The following HS3ST4 variants were observed in gnomAD, a reference collection of about 807,000 sequenced individuals.
HS3ST4 encodes the protein heparan sulfate glucosamine 3-O-sulfotransferase 4.
A neutral mutation model predicts 29.2 loss-of-function variants in HS3ST4; 17 were observed. The observed-to-expected ratio is 0.58, with a 90% CI of 0.40 to 0.87. HS3ST4 has a LOEUF of 0.87. HS3ST4 is among the 40% of genes least tolerant of loss of function. The pLI is 0.00. For missense variants in HS3ST4, 627 were observed against 634.5 expected, an observed-to-expected ratio of 0.99 and a Z score of 0.13; for synonymous variants, 314 against 285.7, an observed-to-expected ratio of 1.10 and a Z score of -1.00.
At chr16:25,826,667 C>G (rs937944793) in intron 1 of HS3ST4, among the ~76,000 whole-genome samples, 2 of 152,018 alleles carry the variant, frequency 1.3e-5, no homozygotes, top group African/African-American at 4.8e-5. Flanking sequence ...GGAAGATAGT[C>G]TAGGAACCAG....
chr16:25,751,474 G>T (rs62034454), intron 1 of HS3ST4, among the ~76,000 whole-genome samples: 34,752 of 152,140 alleles, frequency 0.23, 4,566 homozygotes, highest in East Asian at 0.58. Context: ...ATTAAGCTCC[G>T]TGAGTGCTGG....
At chr16:25,937,373 C>A (rs1225673321) in intron 1 of HS3ST4, among the ~76,000 whole-genome samples, 1 of 152,154 alleles carries the variant, frequency 6.6e-6, no homozygotes, top group Non-Finnish European at 1.5e-5. Flanking sequence ...TTTTTACAAA[C>A]CTGTTGATTC....
intron 1 of HS3ST4, among the ~76,000 whole-genome samples, chr16:25,848,136 A>T (rs1967483776): frequency 6.6e-6 from 1 of 151,866 alleles, no homozygotes; most frequent in African/African-American, 2.4e-5. Flanking sequence ...GGTATTTGCT[A>T]ACTTTTTTTT....
chr16:26,062,569 G>A (rs944492304), intron 1 of HS3ST4, among the ~76,000 whole-genome samples: 8 of 151,422 alleles, frequency 5.3e-5, no homozygotes, highest in South Asian at 2.1e-4. Context: ...CCTCTATTTC[G>A]GAATCATCTT....
At chr16:25,824,980 T>A (rs1367056266) in intron 1 of HS3ST4, 2 of 152,144 alleles carry the variant, frequency 1.3e-5, no homozygotes, top group Non-Finnish European at 2.9e-5. Context: ...ACAGATGTGA[T>A]CAAGTTAAGA....
chr16:25,717,008 C>T (rs770248958), intron 1 of HS3ST4, among the ~76,000 whole-genome samples: 3 of 151,858 alleles, frequency 2.0e-5, no homozygotes, highest in East Asian at 1.9e-4. Flanking sequence ...GAGCCGAGTT[C>T]GGGCCATTGC....
chr16:25,831,956 A>C (rs1967306657), intron 1 of HS3ST4, among the ~76,000 whole-genome samples: 1 of 152,062 alleles, frequency 6.6e-6, no homozygotes, highest in African/African-American at 2.4e-5. Flanking sequence ...AAATTTAAAA[A>C]TTAGCTGTGT....
chr16:25,879,971 G>T (rs1411080532), intron 1 of HS3ST4, among the ~76,000 whole-genome samples: 1 of 152,056 alleles, frequency 6.6e-6, no homozygotes, highest in Non-Finnish European at 1.5e-5. Context: ...AGAACAGTAT[G>T]GGGGAACTGC....
intron 1 of HS3ST4, among the ~76,000 whole-genome samples, chr16:25,929,980 T>C (rs1968447103): frequency 6.6e-6 from 1 of 152,064 alleles, no homozygotes; most frequent in African/African-American, 2.4e-5. Context: ...GTAGGCCCCA[T>C]TGTCTGTTAT....
intron 1 of HS3ST4, among the ~76,000 whole-genome samples, chr16:26,095,515 T>A (rs1898912433): frequency 6.6e-6 from 1 of 152,210 alleles, no homozygotes; most frequent in African/African-American, 2.4e-5. Flanking sequence ...CCTGAATGAC[T>A]ACTGGGTAAA....
At chr16:26,012,856 G>A (rs1969323361) in intron 1 of HS3ST4, among the ~76,000 whole-genome samples, 1 of 152,088 alleles carries the variant, frequency 6.6e-6, no homozygotes, top group South Asian at 2.1e-4. Context: ...TGAACAATGA[G>A]CTGGAGCCAT....
intron 1 of HS3ST4, among the ~76,000 whole-genome samples, chr16:26,069,274 T>A (rs35219243): frequency 0.08 from 12,149 of 152,302 alleles, 701 homozygotes; most frequent in Admixed American, 0.18. Flanking sequence ...AATGGGATGT[T>A]GCAGCCTCTT....
intron 1 of HS3ST4, among the ~76,000 whole-genome samples, chr16:25,795,287 CT>C (rs969442200): frequency 2.8e-4 from 41 of 147,770 alleles, no homozygotes; most frequent in African/African-American, 9.1e-4. Context: ...CCCGCCTTTT[CT>C]TTTCTTTTCT....
chr16:25,954,639 A>G (rs1448918490), intron 1 of HS3ST4, among the ~76,000 whole-genome samples: 2 of 152,210 alleles, frequency 1.3e-5, no homozygotes, highest in Admixed American at 1.3e-4. Flanking sequence ...AGAATCCAGT[A>G]AAATTAAGCA....
intron 1 of HS3ST4, among the ~76,000 whole-genome samples, chr16:25,747,704 CGA>C (rs1292539149): frequency 1.3e-5 from 2 of 152,308 alleles, no homozygotes; most frequent in Admixed American, 1.3e-4. Flanking sequence ...TGTTTTCTAG[CGA>C]TCACTAGCAG....
intron 1 of HS3ST4, among the ~76,000 whole-genome samples, chr16:25,985,160 G>T (rs1596635689): frequency 6.6e-6 from 1 of 152,276 alleles, no homozygotes; most frequent in East Asian, 1.9e-4. Flanking sequence ...TAAATAGGAT[G>T]GTATCTCTGG....
intron 1 of HS3ST4, among the ~76,000 whole-genome samples, chr16:26,021,339 C>T (rs34896763): frequency 1.3e-5 from 2 of 152,306 alleles, no homozygotes; most frequent in East Asian, 3.9e-4. Flanking sequence ...GGTGATCAGC[C>T]TGCATCATTA....
At chr16:26,078,096 G>A (rs372492867) in intron 1 of HS3ST4, among the ~76,000 whole-genome samples, 41 of 152,266 alleles carry the variant, frequency 2.7e-4, no homozygotes, top group African/African-American at 9.6e-4. Flanking sequence ...AACAGTGTCT[G>A]TGTCACTGTG....
intron 1 of HS3ST4, chr16:26,032,715 C>T (rs1969542515): frequency 1.8e-6 from 2 of 1,139,418 alleles, no homozygotes; most frequent in African/African-American, 1.5e-5. Context: ...TTTGGAGGAG[C>T]AGGTTTAGCA....
Sources: allele counts gnomAD v4.1 joint callset (sites outside exome capture counted in the v4.1 genomes callset), GRCh38; gene constraint gnomAD v4.1.1; transcripts MANE v1.5; gene names NCBI Gene and HGNC (gene_info 2026-07-23, HGNC 2026-07-21).